Variants in WBP2NL observed in about 807,000 individuals in gnomAD.
WBP2NL encodes postacrosomal sheath WW domain-binding protein.
In WBP2NL, 27 loss-of-function variants were observed where a neutral mutation model predicts 23.3. The observed-to-expected ratio is 1.16, with a 90% CI of 0.85 to 1.60. WBP2NL has a LOEUF of 1.60. Among genes scored for constraint, WBP2NL ranks in the 40% most tolerant of loss-of-function variants. The pLI, the probability that WBP2NL is intolerant of heterozygous loss-of-function variation, is 0.00. For synonymous variants in WBP2NL, 151 were observed against 145.9 expected (o/e 1.03, Z -0.25); for missense variants, 370 against 389.5 (o/e 0.95, Z 0.42).
chr22:42,019,019 G>C (rs541793495), intron 1 of WBP2NL, among the ~76,000 whole-genome samples: 1 of 151,408 alleles, frequency 6.6e-6, no homozygotes, highest in African/African-American at 2.4e-5. Flanking sequence ...TCAGGAGATC[G>C]AGACCATCCT....
At chr22:42,023,655 C>A (rs1655972314) in intron 5 of WBP2NL, among the ~76,000 whole-genome samples, 1 of 151,926 alleles carries the variant, frequency 6.6e-6, no homozygotes, top group Non-Finnish European at 1.5e-5. Flanking sequence ...CCACGCCCGG[C>A]TAATTTTTTT....
chr22:42,032,209 C>T (rs1837440884), downstream of WBP2NL: 1 of 152,236 alleles, frequency 6.6e-6, no homozygotes, highest in South Asian at 2.1e-4. Context: ...CAGCCACTAT[C>T]CAGTCCTGGC....
At chr22:42,008,131 C>CCTTTCCTTTCCTTTG (rs1922451225) in intron 1 of WBP2NL, among the ~76,000 whole-genome samples, 1 of 132,608 alleles carries the variant, frequency 7.5e-6, no homozygotes, top group Non-Finnish European at 1.6e-5. Flanking sequence ...GCTTTCCTTT[C>CCTTTCCTTTCCTTTG]CTTTCCTTTC....
At chr22:42,034,403 A>G (rs960339000), downstream of WBP2NL, among the ~76,000 whole-genome samples, 3 of 152,240 alleles carry the variant, frequency 2.0e-5, no homozygotes, top group Admixed American at 2.0e-4. Context: ...AAAAACCAGC[A>G]AGTTTTTATT....
chr22:42,008,650 C>A (rs1315797853), intron 1 of WBP2NL, among the ~76,000 whole-genome samples: 1 of 152,176 alleles, frequency 6.6e-6, no homozygotes, highest in Non-Finnish European at 1.5e-5. Flanking sequence ...TCTTGTTGCC[C>A]AGGCTGGAGT....
chr22:42,013,963 G>T (rs1367882051), intron 1 of WBP2NL, among the ~76,000 whole-genome samples: 1 of 151,870 alleles, frequency 6.6e-6, no homozygotes, highest in Admixed American at 6.6e-5. Flanking sequence ...TGTATTTTTA[G>T]TAGAGATGGG....
At position 42,022,235 on chromosome 22, in the gene WBP2NL, A is replaced by G. The variant is rs546390639; in HGVS notation, c.407-14A>G. On this transcript the variant is annotated splice_polypyrimidine_tract_variant and intron_variant, in intron 4 of 5. Transcript: ENST00000328823. Reference sequence around the variant, plus strand: ...ATTAAAAGAGTTCCTATTTTGCCAAATTTGTCTTTCCAGCTGCCCGAGGAT... The same window carrying G: ...ATTAAAAGAGTTCCTATTTTGCCAAGTTTGTCTTTCCAGCTGCCCGAGGAT... 4.3e-6 allele frequency: 7 copies of G among 1,613,746 alleles called. No individual in the cohort carries two copies. In the South Asian group the frequency reaches 7.7e-5, roughly 18 times the overall value.
intron 8 of WBP2NL, among the ~76,000 whole-genome samples, chr22:42,043,387 G>T (rs1211549061): frequency 6.6e-6 from 1 of 152,190 alleles, no homozygotes; most frequent in Non-Finnish European, 1.5e-5. Flanking sequence ...AGGGCTCGTG[G>T]TGTGTATATG....
chr22:42,020,891 TATATATATATATA>T (rs1923877300), intron 4 of WBP2NL, among the ~76,000 whole-genome samples: 3 of 66,238 alleles, frequency 4.5e-5, no homozygotes, highest in African/African-American at 1.8e-4. Flanking sequence ...TATATATATA[TATATATATATATA>T]TATATTTTTT....
chr22:42,045,210 G>C (rs1159665480), intron 8 of WBP2NL, among the ~76,000 whole-genome samples: 1 of 152,030 alleles, frequency 6.6e-6, no homozygotes, highest in Admixed American at 6.6e-5. Flanking sequence ...AGTCCGAGGC[G>C]GGCGGATCAC....
chr22:42,026,805 C>T lies in WBP2NL; in HGVS notation c.554C>T (p.Pro185Leu). ...YGAPPAGYGA[P>L]PPGYGAPPAG... Reference sequence around the variant, plus strand: ...GCCCCACCTGCAGGATATGGAGCCCCACCTCCCGGATACGGAGCCCCACCT... The same window carrying T: ...GCCCCACCTGCAGGATATGGAGCCCTACCTCCCGGATACGGAGCCCCACCT... Residue 185 changes from proline (P) to leucine (L), a missense_variant, in exon 6 of 6, where the codon CCA (proline) becomes CTA (leucine). Transcript: ENST00000328823. The T allele has an allele frequency of 6.2e-7, 1 of 1,613,946 alleles. No individual in the cohort carries two copies. The highest frequency in any genetic ancestry group is 8.5e-7 in the Non-Finnish European group (1 of 1,179,952).
chr22:42,036,374 G>A (rs899406982), downstream of WBP2NL, among the ~76,000 whole-genome samples: 1 of 152,034 alleles, frequency 6.6e-6, no homozygotes, highest in Non-Finnish European at 1.5e-5. Flanking sequence ...TGGGGTTTCA[G>A]CATGTTAGCC....
At chr22:42,001,551 G>A (rs895459048) in intron 1 of WBP2NL, 4 of 1,123,916 alleles carry the variant, frequency 3.6e-6, no homozygotes, top group Admixed American at 1.8e-5. Context: ...GCTGCTACAC[G>A]AGTATGGGCA....
At chr22:42,048,639 C>T (rs1407375233) in intron 8 of WBP2NL, among the ~76,000 whole-genome samples, 1 of 151,466 alleles carries the variant, frequency 6.6e-6, no homozygotes, top group African/African-American at 2.4e-5. Flanking sequence ...GCCTGTGGTC[C>T]CAGCTACTCT....
Position 42,019,243 on chromosome 22 carries a change from A to G in WBP2NL, c.63-68A>G, listed in dbSNP as rs566851154. 177 of 1,459,206 alleles carry G rather than the reference A, an allele frequency of 1.2e-4. 1 individual carries two copies. The highest frequency in any genetic ancestry group is 5.3e-4 in the Middle Eastern group (3 of 5,616). 90.4% of individuals were successfully genotyped at this position (1,459,206 alleles called of 1,614,324 possible). A position where few individuals can be genotyped will look rare whatever the true frequency, so the allele number is the denominator to read the frequency against. On this transcript the variant is annotated intron_variant, in intron 1 of 5. Coordinates refer to ENST00000328823, the MANE Select transcript of WBP2NL (RefSeq NM_152613.3). The stretch of plus-strand genomic sequence containing the variant: ...CTCAAAAAAAAAAAAAAATTGCGTT[A>G]AGAACTTTATGTGTGTCATTTTACA...
At chr22:42,013,037 A>G in intron 1 of WBP2NL, among the ~76,000 whole-genome samples, 1 of 151,354 alleles carries the variant, frequency 6.6e-6, no homozygotes, top group East Asian at 1.9e-4. Flanking sequence ...AGCAGTTTGA[A>G]TATGTCATCA....
At chr22:42,050,200 G>A (rs1464718236) in intron 8 of WBP2NL, among the ~76,000 whole-genome samples, 1 of 151,918 alleles carries the variant, frequency 6.6e-6, no homozygotes, top group Non-Finnish European at 1.5e-5. Flanking sequence ...CTAGCTACTC[G>A]GGAGGCTTAG....
intron 1 of WBP2NL, among the ~76,000 whole-genome samples, chr22:42,006,804 T>C (rs749126442): frequency 2.6e-5 from 4 of 152,196 alleles, no homozygotes; most frequent in Non-Finnish European, 2.9e-5. Context: ...CAATACACAG[T>C]TGAGAAATTG....
intron 8 of WBP2NL, among the ~76,000 whole-genome samples, chr22:42,047,269 C>CAAAAAAAAAAAAAAAAAAAAAAAAAA (rs140516534): frequency 9.9e-6 from 1 of 101,496 alleles, no homozygotes; most frequent in Non-Finnish European, 2.0e-5. Context: ...TTTTCAAGCT[C>CAAAAAAAAAAAAAAAAAAAAAAAAAA]AAAAAAAAAA....
Sources: allele counts gnomAD v4.1 joint callset (sites outside exome capture counted in the v4.1 genomes callset), GRCh38; gene constraint gnomAD v4.1.1; transcripts MANE v1.5; gene names NCBI Gene and HGNC (gene_info 2026-07-23, HGNC 2026-07-21).